APLP1: variants seen among roughly 807,000 people sequenced by gnomAD.
APLP1 encodes the protein amyloid beta (A4) precursor-like protein 1.
Under a neutral mutation model 84.5 loss-of-function variants are expected in APLP1, and 46 were observed. The ratio of observed to expected loss-of-function variants is 0.54; its 90% confidence interval spans 0.43 to 0.70. The LOEUF (loss-of-function observed/expected upper bound fraction) is 0.70, where lower values mean the gene tolerates loss of function less well. Among genes scored for constraint, APLP1 ranks in the 30% least tolerant of loss-of-function variants. The pLI, the probability that APLP1 is intolerant of heterozygous loss-of-function variation, is 0.00. For missense variants in APLP1, 826 were observed against 900.2 expected (o/e 0.92, Z 1.05); for synonymous variants, 376 against 364.0 (o/e 1.03, Z -0.38).
intron 13 of APLP1, 48 bp from the exon 14 acceptor site, chr19:35,878,536 A>T (rs1974332985): frequency 6.3e-7 from 1 of 1,597,826 alleles, no homozygotes. Context: ...ACAGAGTGAG[A>T]CTCTGTCTAA....
At position 35,871,913 on chromosome 19, in the gene APLP1, G is replaced by A. The variant is rs1224573406; in HGVS notation, c.727G>A (p.Glu243Lys). ...PGSRVEGAED[E>K]EEEESFPQPV... ...GAGCAGAGTAGAGGGGGCTGAGGAC[G>A]AGGAAGAGGAGGAATCCTTCCCACA... The change falls in exon 6 of 17, where the codon GAG becomes AAG. Residue 243 changes from glutamate (E) to lysine (K), a missense_variant. By Grantham distance (56) the Glu-to-Lys change is moderately conservative. Coordinates refer to ENST00000221891, the MANE Select transcript of APLP1 (RefSeq NM_001024807.3). The A allele has an allele frequency of 5.0e-6, 8 of 1,614,028 alleles. No homozygotes were observed. Among genetic ancestry groups the A allele is most frequent in the East Asian group, 4.5e-5 (2 of 44,876 alleles).
chr19:35,869,764 G>C lies in APLP1; in HGVS notation c.245G>C (p.Arg82Pro). The C allele has an allele frequency of 6.2e-7, 1 of 1,607,730 alleles. No individual in the cohort carries two copies. The highest frequency in any genetic ancestry group is 8.5e-7 in the Non-Finnish European group (1 of 1,178,044). Residue 82 changes from arginine to proline, a missense_variant, in exon 2 of 17, where the codon CGA (arginine) becomes CCA (proline). Coordinates refer to ENST00000221891, the MANE Select transcript of APLP1 (RefSeq NM_001024807.3). ...TGGGAACCAGACCCACAGCGCTCTC[G>C]ACGCTGTCTCCGGGACCCGCAGCGC... ...GRWEPDPQRS[R>P]RCLRDPQRVL...
chr19:35,868,646 G>A lies in APLP1; in HGVS notation c.10G>A (p.Ala4Thr), dbSNP rs7249156. Residue 4 changes from alanine (A) to threonine (T), a missense_variant, in exon 1 of 17, where the codon GCC (alanine) becomes ACC (threonine). By Grantham distance (58) the Ala-to-Thr change is moderately conservative (BLOSUM62 0). This residue lies in a region of APLP1 where 10 missense variants were observed against 25.4 expected (regional missense o/e 0.39). Transcript: ENST00000221891. The surrounding 1 kb of genome is among the most constrained non-coding windows in gnomAD (Gnocchi z 5.2). MGP[A>T]SPAARGLSRR... is the part of the protein sequence containing the mutation. ...GCGCAAGGGCCGGGACATGGGGCCC[G>A]CCAGCCCCGCTGCTCGCGGTCTAAG... 2.9e-6 allele frequency: 4 copies of A among 1,371,448 alleles called. No individual in the cohort carries two copies. The African/African-American group carries it at 4.6e-5, about 16-fold the overall frequency. The allele number at this position is 1,371,448 out of a possible 1,614,324, so 85.0% of individuals were successfully genotyped here. A position where few individuals can be genotyped will look rare whatever the true frequency, so the allele number is the denominator to read the frequency against.
chr19:35,878,201 C>G (rs1029601006), intron 13 of APLP1, 93 bp downstream of exon 13: 1 of 1,362,640 alleles, frequency 7.3e-7, no homozygotes, highest in African/African-American at 1.5e-5. Flanking sequence ...ACCTCAGACC[C>G]CCTGGGGTAG....
At chr19:35,870,808 A>C in intron 2 of APLP1, 88 bp from the exon 3 acceptor site, 1 of 1,486,938 alleles carries the variant, frequency 6.7e-7, no homozygotes, top group Non-Finnish European at 9.0e-7. Flanking sequence ...AAGAGGGAGA[A>C]AGAAAGAGAA....
In APLP1 at chr19:35,879,524, G is replaced by A. The variant is rs1383241001; in HGVS notation, c.*83G>A. 2 of 1,225,102 alleles carry A rather than the reference G, an allele frequency of 1.6e-6. No individual in the cohort carries two copies. Among genetic ancestry groups the A allele is most frequent in the South Asian group, 1.2e-5 (1 of 80,116 alleles). 75.9% of individuals were successfully genotyped at this position (1,225,102 alleles called of 1,614,324 possible). A position where few individuals can be genotyped will look rare whatever the true frequency, so the allele number is the denominator to read the frequency against. On this transcript the variant is annotated 3_prime_UTR_variant, in exon 17 of 17. Transcript: ENST00000221891. ...GAACCCCAACTCCCAGCCTAGGGCA[G>A]CAGGGAGTCTTGAAGTGATCATTTC...
At chr19:35,869,065 C>G in intron 1 of APLP1, 1 of 328,362 alleles carries the variant, frequency 3.0e-6, no homozygotes. Context: ...CGGCCCCAAC[C>G]CCCTCCCGCC....
chr19:35,870,167 C>G, intron 2 of APLP1: 1 of 287,908 alleles, frequency 3.5e-6, no homozygotes. Flanking sequence ...GCTGGGGGGG[C>G]GTGGCCATGA....
chr19:35,874,818 C>T lies in APLP1; in HGVS notation c.1293C>T (p.Tyr431=). Residue 431 remains tyrosine (Y), a synonymous_variant, in exon 10 of 17, where the codon TAC becomes TAT. Coordinates refer to ENST00000221891, the MANE Select transcript of APLP1 (RefSeq NM_001024807.3). This position sits in a 1 kb window ranked among gnomAD's most constrained non-coding sequence, Gnocchi z 6.4. The part of the protein sequence containing the change: ...QKEQRHTLRH[Y]QHVAAVDPEK... ...AACAGAGGCACACGCTGCGCCACTA[C>T]CAGCATGTGGCCGCCGTGGATCCCG... The T allele has an allele frequency of 6.2e-7, 1 of 1,612,512 alleles. No individual in the cohort carries two copies. Among genetic ancestry groups the T allele is most frequent in the Non-Finnish European group, 8.5e-7 (1 of 1,180,004 alleles).
rs1974284435 is a variant in APLP1 at position 35,876,529 on chromosome 19, C to T, written c.1357C>T (p.Leu453Phe). 1 of 1,613,920 alleles carries T rather than the reference C, an allele frequency of 6.2e-7. No homozygotes were observed. The highest frequency in any genetic ancestry group is 1.3e-5 in the African/African-American group (1 of 74,918). ...QQMRFQVHTH[L>F]QVIEERVNQS... ...CACTCACCCACAGGTGCATACCCAC[C>T]TTCAAGTGATTGAGGAGAGGGTGAA... The change falls in exon 11 of 17, where the codon CTT (leucine) becomes TTT (phenylalanine). Residue 453 changes from leucine (L) to phenylalanine (F), a missense_variant. By Grantham distance (22) the Leu-to-Phe change is conservative. Coordinates refer to ENST00000221891, the MANE Select transcript of APLP1 (RefSeq NM_001024807.3).
chr19:35,873,277 C>A (rs1269669343), intron 7 of APLP1, among the ~76,000 whole-genome samples: 1 of 138,138 alleles, frequency 7.2e-6, no homozygotes, highest in Non-Finnish European at 1.5e-5. Context: ...GACAGAGTTT[C>A]GCTCTGTTGC....
At position 35,868,702 on chromosome 19, in the gene APLP1, G is replaced by T; in HGVS notation, c.66G>T (p.Leu22=). The change falls in exon 1 of 17, where the codon CTG becomes CTT. Residue 22 remains leucine, a synonymous_variant. Transcript: ENST00000221891. The surrounding 1 kb of genome is among the most constrained non-coding windows in gnomAD (Gnocchi z 5.2). The stretch of plus-strand genomic sequence containing the variant: ...GCCCGGGCCAGCCGCCGCTGCCGCT[G>T]CTGCTGCCACTATTGCTGCTGCTTC... The part of the protein sequence containing the change: ...SRRPGQPPLP[L]LLPLLLLLLR... 1 of 1,417,876 alleles carries T rather than the reference G, an allele frequency of 7.1e-7. No individual in the cohort carries two copies. Among genetic ancestry groups the T allele is most frequent in the Non-Finnish European group, 9.2e-7 (1 of 1,090,094 alleles). The allele number at this position is 1,417,876 out of a possible 1,614,324, so 87.8% of individuals were successfully genotyped here. A position where few individuals can be genotyped will look rare whatever the true frequency, so the allele number is the denominator to read the frequency against.
intron 3 of APLP1, 45 bp from the exon 4 acceptor site, chr19:35,871,192 G>T (rs778703337): frequency 1.9e-6 from 3 of 1,585,060 alleles, no homozygotes; most frequent in South Asian, 2.3e-5. Context: ...GGGTGGGGTT[G>T]GTGGCTATAG....
chr19:35,873,291 G>A (rs192159366), intron 7 of APLP1, among the ~76,000 whole-genome samples: 64 of 147,962 alleles, frequency 4.3e-4, no homozygotes, highest in Admixed American at 1.4e-3. Flanking sequence ...CTGTTGCCCA[G>A]GCTAGAGTGC....
intron 7 of APLP1, among the ~76,000 whole-genome samples, chr19:35,872,846 G>GTTTTTTT (rs758120842): frequency 6.9e-6 from 1 of 144,182 alleles, no homozygotes; most frequent in Non-Finnish European, 1.5e-5. Flanking sequence ...CACTTTATTG[G>GTTTTTTT]TTTTTTTTTT....
chr19:35,871,713 A>T lies in APLP1; in HGVS notation c.639A>T (p.Pro213=), dbSNP rs1974152154. 2.5e-6 allele frequency: 4 copies of T among 1,613,926 alleles called. No homozygotes were observed. Among genetic ancestry groups the T allele is most frequent in the Non-Finnish European group, 3.4e-6 (4 of 1,179,978 alleles). Residue 213 remains proline, a synonymous_variant, in exon 5 of 17, where the codon CCA becomes CCT. Coordinates refer to ENST00000221891, the MANE Select transcript of APLP1 (RefSeq NM_001024807.3). ...RGVEYVCCPP[P]GTPDPSGTAV... is the part of the protein sequence containing the mutation. ...TGGAGTATGTGTGCTGTCCCCCTCC[A>T]GGGACCCCCGACCCATCTGGGACAG...
chr19:35,871,366 A>AC lies in APLP1; in HGVS notation c.537+20dup, dbSNP rs1275815648. The AC allele has an allele frequency of 1.3e-6, 2 of 1,577,608 alleles. No individual in the cohort carries two copies. Among genetic ancestry groups the AC allele is most frequent in the East Asian group, 2.3e-5 (1 of 42,948 alleles). On this transcript the variant is annotated intron_variant, in intron 4 of 16. Coordinates refer to ENST00000221891, the MANE Select transcript of APLP1 (RefSeq NM_001024807.3). The stretch of plus-strand genomic sequence containing the variant: ...GCACAGGAGGTCAGGACGTTGGCCC[A>AC]CCCGTCCCCAGCCCCCACAACCCAG...
rs374943572 is a variant in APLP1, at chr19:35,875,894, C to T, written c.1345-623C>T. On this transcript the variant is annotated intron_variant, in intron 10 of 16. Transcript: ENST00000221891. ...TCGGCCTCCCAAAGTGCTGGGATTA[C>T]AGGCGTGAGCCACCATGCCCGGCCA... Among the ~76,000 whole-genome samples the T allele has an allele frequency of 5.0e-4, 76 of 151,812 alleles. No individual in the cohort carries two copies. The South Asian group carries it at 0.015, about 30-fold the overall frequency.
intron 7 of APLP1, 57 bp downstream of exon 7, chr19:35,872,670 G>GA: frequency 6.4e-7 from 1 of 1,556,632 alleles, no homozygotes; most frequent in Non-Finnish European, 8.7e-7. Context: ...TAAATACCAG[G>GA]AAATTCCTCC....
Sources: allele counts gnomAD v4.1 joint callset (sites outside exome capture counted in the v4.1 genomes callset), GRCh38; gene constraint gnomAD v4.1.1; regional missense constraint gnomAD v4.1.1; non-coding constraint Gnocchi (gnomAD v3.1); transcripts MANE v1.5; gene names NCBI Gene and HGNC (gene_info 2026-07-23, HGNC 2026-07-21).